The following AFG1L variants were observed in gnomAD, a reference collection of about 807,000 sequenced individuals.
AFG1L encodes the protein AFG1-like ATPase.
In AFG1L, 53 loss-of-function variants were observed where a neutral mutation model predicts 62.2. The ratio of observed to expected loss-of-function variants is 0.85; its 90% confidence interval spans 0.68 to 1.07. The LOEUF is 1.07. Ranked by LOEUF, AFG1L falls within the 50% of genes least tolerant of loss-of-function variation. The probability of loss-of-function intolerance (pLI) is 0.00; values close to 1 mark genes in which losing one functional copy is unlikely to be tolerated. For missense variants in AFG1L, 555 were observed against 590.5 expected (o/e 0.94, Z 0.62); for synonymous variants, 228 against 210.3 (o/e 1.08, Z -0.73).
chr6:108,357,077 GCA>G (rs139655918), intron 5 of AFG1L, among the ~76,000 whole-genome samples: 2 of 151,404 alleles, frequency 1.3e-5, no homozygotes, highest in East Asian at 1.9e-4. Flanking sequence ...ACATGCACGT[GCA>G]CACACACACA....
At chr6:108,501,210 G>C (rs1221215108) in intron 10 of AFG1L, among the ~76,000 whole-genome samples, 1 of 152,132 alleles carries the variant, frequency 6.6e-6, no homozygotes. Context: ...GGCCAGGCTG[G>C]TCTTGAACTC....
At position 108,351,124 on chromosome 6, in the gene AFG1L, G is replaced by T. The variant is rs150846775; in HGVS notation, c.415+4085G>T. Among the ~76,000 whole-genome samples, 17 of 152,332 alleles carry T rather than the reference G, an allele frequency of 1.1e-4. No individual in the cohort carries two copies. In the East Asian group the frequency reaches 3.3e-3, roughly 29 times the overall value. On this transcript the variant is annotated intron_variant, in intron 3 of 12. Coordinates refer to ENST00000368977, the MANE Select transcript of AFG1L (RefSeq NM_145315.5). ...TTTGACCATGAATGGACTGGAAGTT[G>T]CTCTGAATGAATCAGTGAGTGAGTG... is the stretch of plus-strand genomic sequence containing the variant.
At chr6:108,404,832 A>G (rs1357762197) in intron 7 of AFG1L, among the ~76,000 whole-genome samples, 1 of 151,906 alleles carries the variant, frequency 6.6e-6, no homozygotes, top group Non-Finnish European at 1.5e-5. Context: ...GGTTCAAGCA[A>G]TTTTCCTGCC....
At chr6:108,317,734 A>G (rs1455245207) in intron 1 of AFG1L, among the ~76,000 whole-genome samples, 2 of 152,150 alleles carry the variant, frequency 1.3e-5, no homozygotes, top group African/African-American at 2.4e-5. Context: ...GGGAGGGAGC[A>G]ATAATATTGT....
rs565767974 is a variant in AFG1L, at chr6:108,384,652, A to G, written c.749-17344A>G. On this transcript the variant is annotated intron_variant, in intron 6 of 12. Transcript: ENST00000368977. ...CCAATATGAACTGGATTAGCAGACA[A>G]CTATTATAAAGCAGCTGGGGAAGCA... 1.6e-4 allele frequency among the ~76,000 whole-genome samples: 24 copies of G among 152,342 alleles called. No individual in the cohort carries two copies. The South Asian group carries it at 4.8e-3, about 30-fold the overall frequency.
At chr6:108,471,304 T>C (rs1452254238) in intron 8 of AFG1L, among the ~76,000 whole-genome samples, 2 of 152,128 alleles carry the variant, frequency 1.3e-5, no homozygotes, top group South Asian at 4.1e-4. Flanking sequence ...TAAATACCAC[T>C]GGCCCCAGGA....
Position 108,519,897 on chromosome 6 carries a change from T to G in AFG1L, c.1317+87T>G, listed in dbSNP as rs868340155. The stretch of plus-strand genomic sequence containing the variant: ...GCATGGCTACATTTTGAAGAAGAAA[T>G]GCAGTGTATAGTTAACCATTGATTG... On this transcript the variant is annotated intron_variant, in intron 12 of 12. Transcript: ENST00000368977. 3.9e-6 allele frequency: 3 copies of G among 769,262 alleles called. No individual in the cohort carries two copies. In the Middle Eastern group the frequency reaches 7.5e-4, roughly 193 times the overall value. The allele number at this position is 769,262 out of a possible 1,614,324, so 47.7% of individuals were successfully genotyped here.
chr6:108,393,276 C>T (rs1010432260), intron 6 of AFG1L, among the ~76,000 whole-genome samples: 3 of 152,012 alleles, frequency 2.0e-5, no homozygotes, highest in African/African-American at 7.2e-5. Context: ...GGCTAAATAA[C>T]ATTTCAAGAG....
At chr6:108,455,894 G>A (rs1261955953) in intron 8 of AFG1L, among the ~76,000 whole-genome samples, 4 of 152,106 alleles carry the variant, frequency 2.6e-5, no homozygotes, top group Non-Finnish European at 5.9e-5. Flanking sequence ...TCATGCACTT[G>A]ATTATGTATT....
At chr6:108,380,017 A>C (rs1780428317) in intron 6 of AFG1L, among the ~76,000 whole-genome samples, 1 of 151,782 alleles carries the variant, frequency 6.6e-6, no homozygotes, top group Non-Finnish European at 1.5e-5. Flanking sequence ...CTGGGCATGG[A>C]GCAGAGAGGG....
At chr6:108,516,500 C>T (rs867524582) in intron 11 of AFG1L, among the ~76,000 whole-genome samples, 6 of 152,088 alleles carry the variant, frequency 3.9e-5, no homozygotes, top group African/African-American at 1.4e-4. Flanking sequence ...TGGGATGTAT[C>T]TCAAAATAAT....
intron 1 of AFG1L, among the ~76,000 whole-genome samples, chr6:108,299,268 A>T (rs28703914): frequency 9.7e-5 from 12 of 123,172 alleles, no homozygotes; most frequent in African/African-American, 4.9e-4. Flanking sequence ...CTCAAAAAAG[A>T]AAAAAAAAAA....
At chr6:108,452,464 G>A (rs1772095285) in intron 8 of AFG1L, among the ~76,000 whole-genome samples, 1 of 151,950 alleles carries the variant, frequency 6.6e-6, no homozygotes, top group African/African-American at 2.4e-5. Flanking sequence ...TTGAAGGGAG[G>A]GTTCTATTCA....
At chr6:108,420,404 T>C (rs1003801304) in intron 7 of AFG1L, among the ~76,000 whole-genome samples, 38 of 148,170 alleles carry the variant, frequency 2.6e-4, no homozygotes, top group African/African-American at 7.1e-4. Flanking sequence ...AATATATTTT[T>C]ATTTTATTAA....
At chr6:108,505,734 C>A (rs889174400) in intron 10 of AFG1L, among the ~76,000 whole-genome samples, 1 of 152,048 alleles carries the variant, frequency 6.6e-6, no homozygotes, top group African/African-American at 2.4e-5. Flanking sequence ...AGCTTAAGAG[C>A]AGATTAAACA....
chr6:108,349,918 AAAAT>A (rs1779015763), intron 3 of AFG1L, among the ~76,000 whole-genome samples: 1 of 151,544 alleles, frequency 6.6e-6, no homozygotes, highest in African/African-American at 2.4e-5. Context: ...CCCTATCTTA[AAAAT>A]AAATAAATAA....
At chr6:108,374,517 G>A (rs1419148448) in intron 6 of AFG1L, among the ~76,000 whole-genome samples, 1 of 151,972 alleles carries the variant, frequency 6.6e-6, no homozygotes, top group African/African-American at 2.4e-5. Flanking sequence ...TTTTGCATAT[G>A]GTGAAAGGTC....
chr6:108,403,125 TC>T (rs1279585530), intron 7 of AFG1L, among the ~76,000 whole-genome samples: 1 of 152,138 alleles, frequency 6.6e-6, no homozygotes, highest in Non-Finnish European at 1.5e-5. Context: ...AAGCTGTTTT[TC>T]TGGCACATTA....
intron 1 of AFG1L, 126 bp downstream of exon 1, chr6:108,295,344 A>G: frequency 9.2e-7 from 1 of 1,083,732 alleles, no homozygotes; most frequent in Non-Finnish European, 1.3e-6. Context: ...GCTCCTCGAG[A>G]GGAGTTTCCA....
Sources: allele counts gnomAD v4.1 joint callset (sites outside exome capture counted in the v4.1 genomes callset), GRCh38; gene constraint gnomAD v4.1.1; transcripts MANE v1.5; gene names NCBI Gene and HGNC (gene_info 2026-07-23, HGNC 2026-07-21).